Variants in SLC24A2 observed in about 807,000 individuals in gnomAD.
The protein encoded by SLC24A2 is solute carrier family 24 member 2.
SLC24A2 carries 36 observed loss-of-function variants against 62.0 expected under a neutral mutation model. The ratio of observed to expected loss-of-function variants is 0.58; its 90% confidence interval spans 0.44 to 0.77. The LOEUF is 0.77. Ranked by LOEUF, SLC24A2 falls within the 30% of genes least tolerant of loss-of-function variation. The pLI is 0.00. For synonymous variants in SLC24A2, 358 were observed against 294.0 expected (o/e 1.22, Z -2.23); for missense variants, 846 against 817.9 (o/e 1.03, Z -0.42).
chr9:19,984,119 C>T, the SLC24A2 span, among the ~76,000 whole-genome samples: 59 of 152,128 alleles, frequency 3.9e-4, 1 homozygote, highest in Admixed American at 3.9e-4. Flanking sequence ...GAATGTAACC[C>T]TGTTGTAAGT....
At chr9:19,720,919 C>T (rs1196280222) in intron 2 of SLC24A2, among the ~76,000 whole-genome samples, 1 of 146,048 alleles carries the variant, frequency 6.8e-6, no homozygotes, top group African/African-American at 2.6e-5. Context: ...TCACATATTT[C>T]CTTGATGTTA....
the SLC24A2 span, among the ~76,000 whole-genome samples, chr9:19,915,334 T>C: frequency 6.6e-6 from 1 of 152,284 alleles, no homozygotes; most frequent in Admixed American, 6.5e-5. Flanking sequence ...CATTCATCAA[T>C]TGATAGACAT....
At chr9:20,285,958 G>C in the SLC24A2 span, among the ~76,000 whole-genome samples, 1 of 152,194 alleles carries the variant, frequency 6.6e-6, no homozygotes, top group African/African-American at 2.4e-5. Flanking sequence ...CCAGCCTCCA[G>C]AACTGTGAGA....
the SLC24A2 span, among the ~76,000 whole-genome samples, chr9:19,968,698 G>A: frequency 6.6e-6 from 1 of 152,124 alleles, no homozygotes; most frequent in Non-Finnish European, 1.5e-5. Flanking sequence ...TGACTAGCTG[G>A]CATCAGAACA....
chr9:20,293,303 C>CTT, the SLC24A2 span, among the ~76,000 whole-genome samples: 1 of 152,208 alleles, frequency 6.6e-6, no homozygotes, highest in East Asian at 1.9e-4. Flanking sequence ...TTCCTTCTCC[C>CTT]AGAAAGGTAG....
At chr9:19,726,159 A>G (rs1416010466) in intron 2 of SLC24A2, among the ~76,000 whole-genome samples, 1 of 152,148 alleles carries the variant, frequency 6.6e-6, no homozygotes, top group African/African-American at 2.4e-5. Flanking sequence ...TTCCTCAAAA[A>G]CCAGTCTCCC....
At chr9:19,628,895 C>T (rs1359038493) in intron 2 of SLC24A2, among the ~76,000 whole-genome samples, 1 of 152,162 alleles carries the variant, frequency 6.6e-6, no homozygotes, top group African/African-American at 2.4e-5. Flanking sequence ...CAAAGCTGTC[C>T]TGGGCTGCTT....
intron 8 of SLC24A2, among the ~76,000 whole-genome samples, chr9:19,542,197 G>T (rs563646459): frequency 9.9e-5 from 15 of 152,270 alleles, no homozygotes; most frequent in Non-Finnish European, 1.9e-4. Flanking sequence ...CTGTAGACCG[G>T]AGCTGTTCCT....
At chr9:19,848,313 T>C in the SLC24A2 span, among the ~76,000 whole-genome samples, 1 of 152,214 alleles carries the variant, frequency 6.6e-6, no homozygotes, top group East Asian at 1.9e-4. Flanking sequence ...AATATTACGC[T>C]AAACATTGGG....
the SLC24A2 span, among the ~76,000 whole-genome samples, chr9:20,092,088 C>T: frequency 1.2e-4 from 19 of 152,046 alleles, no homozygotes; most frequent in Admixed American, 1.1e-3. Context: ...CTGGGGCCTA[C>T]TTGAGAGTGA....
chr9:19,674,434 T>G (rs566632397), intron 2 of SLC24A2, among the ~76,000 whole-genome samples: 1 of 152,360 alleles, frequency 6.6e-6, no homozygotes, highest in Admixed American at 6.5e-5. Context: ...CGGGGAAGTT[T>G]TCCTTGATTA....
At chr9:19,664,352 T>C (rs535391510) in intron 2 of SLC24A2, among the ~76,000 whole-genome samples, 10 of 152,222 alleles carry the variant, frequency 6.6e-5, no homozygotes, top group Non-Finnish European at 1.5e-4. Flanking sequence ...AAGAAAAAAG[T>C]CTGGCTGTAA....
At chr9:20,275,963 C>T in the SLC24A2 span, among the ~76,000 whole-genome samples, 2 of 151,986 alleles carry the variant, frequency 1.3e-5, no homozygotes, top group African/African-American at 4.8e-5. Context: ...CAATTACCTC[C>T]TACCGGGTCC....
At chr9:19,778,528 C>T (rs1046399155) in intron 2 of SLC24A2, among the ~76,000 whole-genome samples, 1 of 152,088 alleles carries the variant, frequency 6.6e-6, no homozygotes, top group African/African-American at 2.4e-5. Context: ...GTTTTTAGTG[C>T]TGCTGAAAGT....
intron 7 of SLC24A2, among the ~76,000 whole-genome samples, chr9:19,568,954 C>T (rs10964216): frequency 0.23 from 35,609 of 152,096 alleles, 5,650 homozygotes; most frequent in African/African-American, 0.45. Context: ...CTCCCCCTTT[C>T]TTTCCGTGTA....
the SLC24A2 span, among the ~76,000 whole-genome samples, chr9:20,182,216 G>A: frequency 3.2e-4 from 48 of 152,298 alleles, no homozygotes; most frequent in African/African-American, 1.0e-3. Context: ...GGAAAACAGT[G>A]ATTCCTCGAG....
chr9:20,273,014 C>T, the SLC24A2 span, among the ~76,000 whole-genome samples: 1 of 152,146 alleles, frequency 6.6e-6, no homozygotes, highest in East Asian at 1.9e-4. Context: ...ATCCTGGCTG[C>T]CAGGGTCTGG....
intron 2 of SLC24A2, among the ~76,000 whole-genome samples, chr9:19,743,155 A>G (rs1038694770): frequency 1.3e-5 from 2 of 152,200 alleles, no homozygotes; most frequent in African/African-American, 2.4e-5. Context: ...TTAAAAAGTA[A>G]AAATTGGTTC....
chr9:19,611,160 TG>T (rs1176381498), intron 4 of SLC24A2, among the ~76,000 whole-genome samples: 1 of 151,918 alleles, frequency 6.6e-6, no homozygotes, highest in African/African-American at 2.4e-5. Flanking sequence ...AGGAGCCAAC[TG>T]GATATCTAGA....
Sources: allele counts gnomAD v4.1 joint callset (sites outside exome capture counted in the v4.1 genomes callset), GRCh38; gene constraint gnomAD v4.1.1; transcripts MANE v1.5; gene names NCBI Gene and HGNC (gene_info 2026-07-23, HGNC 2026-07-21).